Variants in SNRNP48 observed in about 807,000 individuals in gnomAD.
The protein encoded by SNRNP48 is U11/U12 small nuclear ribonucleoprotein 48 kDa protein.
SNRNP48 carries 43 observed loss-of-function variants against 47.0 expected under a neutral mutation model. The observed-to-expected ratio is 0.92, with a 90% CI of 0.72 to 1.18. SNRNP48 has a LOEUF of 1.18. SNRNP48 is among the 50% of genes most tolerant of loss of function. The probability of loss-of-function intolerance (pLI) is 0.00; values close to 1 mark genes in which losing one functional copy is unlikely to be tolerated. For missense variants in SNRNP48, 396 were observed against 422.2 expected (o/e 0.94, Z 0.54); for synonymous variants, 138 against 144.0 (o/e 0.96, Z 0.30).
At chr6:7,599,167 A>T (rs1345008382) in intron 4 of SNRNP48, among the ~76,000 whole-genome samples, 1 of 152,200 alleles carries the variant, frequency 6.6e-6, no homozygotes, top group Non-Finnish European at 1.5e-5. Flanking sequence ...ACTCTGAATG[A>T]ATTCTCCCTA....
intron 4 of SNRNP48, among the ~76,000 whole-genome samples, chr6:7,598,827 C>T (rs557451430): frequency 5.3e-5 from 8 of 152,340 alleles, no homozygotes; most frequent in African/African-American, 1.9e-4. Flanking sequence ...TATGAAAGCT[C>T]ATACAGCTAT....
In SNRNP48 at chr6:7,608,799, AT is replaced by A. The variant is rs749765489; in HGVS notation, c.972-19del. 42 of 1,431,828 alleles carry A rather than the reference AT, an allele frequency of 2.9e-5. No homozygotes were observed. The East Asian group carries it at 3.1e-4, about 11-fold the overall frequency. The allele number at this position is 1,431,828 out of a possible 1,614,324, so 88.7% of individuals were successfully genotyped here. A position where few individuals can be genotyped will look rare whatever the true frequency, so the allele number is the denominator to read the frequency against. ...ATTAAAATGTCCATCATTTATAACC[AT>A]TTTTTTATACCTCTTTTATTTCAGG... is the stretch of plus-strand genomic sequence containing the variant. On this transcript the variant is annotated intron_variant, in intron 8 of 8. Transcript: ENST00000342415.
rs1760187561 is a variant in SNRNP48, at chr6:7,609,243, C to A, written c.*370C>A. On this transcript the variant is annotated 3_prime_UTR_variant, in exon 9 of 9. Transcript: ENST00000342415. ...ACATCTTATAAATAAGGCTAATAAC[C>A]CTTAGAACACCACCTGCGGTTCTGT... The A allele has an allele frequency of 1.3e-5, 2 of 153,920 alleles. No homozygotes were observed. The highest frequency in any genetic ancestry group is 4.1e-4 in the South Asian group (2 of 4,840). 9.5% of individuals were successfully genotyped at this position (153,920 alleles called of 1,614,324 possible).
At chr6:7,595,689 T>C (rs1759892782) in intron 4 of SNRNP48, among the ~76,000 whole-genome samples, 1 of 152,208 alleles carries the variant, frequency 6.6e-6, no homozygotes, top group Non-Finnish European at 1.5e-5. Context: ...AGAAAAGGCT[T>C]AGGCTAAAAG....
intron 5 of SNRNP48, among the ~76,000 whole-genome samples, chr6:7,601,920 C>A (rs1760030228): frequency 6.6e-6 from 1 of 152,078 alleles, no homozygotes; most frequent in Non-Finnish European, 1.5e-5. Flanking sequence ...GTAGCGCGAT[C>A]TCAGTTCGTT....
intron 2 of SNRNP48, 44 bp from the exon 3 acceptor site, chr6:7,594,055 T>G (rs905928523): frequency 1.7e-6 from 2 of 1,182,282 alleles, no homozygotes; most frequent in Non-Finnish European, 2.4e-6. Flanking sequence ...CTTAAAATAG[T>G]CAATTATCTG....
chr6:7,602,028 A>G (rs1001780505), intron 5 of SNRNP48, among the ~76,000 whole-genome samples: 1 of 151,852 alleles, frequency 6.6e-6, no homozygotes, highest in South Asian at 2.1e-4. Context: ...TACTTTTTGT[A>G]TTTTTAGTAG....
chr6:7,599,752 T>C, intron 4 of SNRNP48: 1 of 1,274,904 alleles, frequency 7.8e-7, no homozygotes, highest in South Asian at 1.3e-5. Flanking sequence ...TTTTTGCAAA[T>C]GATATCCTTT....
Position 7,594,171 on chromosome 6 carries a change from G to T in SNRNP48, c.331+12G>T. ...TTCGATTACTTTGAGTAAGTATTAA[G>T]TTATTATAATTTAAAAATATCTTAG... On this transcript the variant is annotated intron_variant, in intron 3 of 8. Transcript: ENST00000342415. 8.2e-7 allele frequency: 1 copy of T among 1,220,404 alleles called. No homozygotes were observed. Among genetic ancestry groups the T allele is most frequent in the Non-Finnish European group, 1.1e-6 (1 of 887,712 alleles). 75.6% of individuals were successfully genotyped at this position (1,220,404 alleles called of 1,614,324 possible). A position where few individuals can be genotyped will look rare whatever the true frequency, so the allele number is the denominator to read the frequency against.
rs1158884755 is a variant in SNRNP48 at position 7,610,335 on chromosome 6, T to A, written c.*1462T>A. Reference sequence around the variant, plus strand: ...AGCTCTCAGATTTATAAATTGGAAATCACCAGGTTACTTGCCAATATATAG... The same window carrying A: ...AGCTCTCAGATTTATAAATTGGAAAACACCAGGTTACTTGCCAATATATAG... On this transcript the variant is annotated 3_prime_UTR_variant, in exon 9 of 9. Transcript: ENST00000342415. The A allele has an allele frequency of 6.6e-6, 1 of 152,202 alleles. No individual in the cohort carries two copies. The highest frequency in any genetic ancestry group is 6.5e-5 in the Admixed American group (1 of 15,284). 9.4% of individuals were successfully genotyped at this position (152,202 alleles called of 1,614,324 possible).
chr6:7,594,182 T>A (rs1172747592), intron 3 of SNRNP48, 23 bp downstream of exon 3: 3 of 1,140,856 alleles, frequency 2.6e-6, no homozygotes, highest in Non-Finnish European at 3.7e-6. Flanking sequence ...TTATTATAAT[T>A]TAAAAATATC....
intron 5 of SNRNP48, 146 bp downstream of exon 5, chr6:7,601,670 T>C: frequency 1.3e-6 from 1 of 749,086 alleles, no homozygotes; most frequent in East Asian, 3.0e-5. Flanking sequence ...TGGCCCTCTG[T>C]GTCTGTGGGT....
At chr6:7,607,977 GTGCTTCTTC>G in intron 8 of SNRNP48, among the ~76,000 whole-genome samples, 2 of 152,204 alleles carry the variant, frequency 1.3e-5, no homozygotes, top group South Asian at 4.1e-4. Context: ...AATAACTATA[GTGCTTCTTC>G]TACTTAAGTA....
In SNRNP48 at chr6:7,605,488, T is replaced by G; in HGVS notation, c.806+2T>G. 1.2e-6 allele frequency: 2 copies of G among 1,612,138 alleles called. No homozygotes were observed. Among genetic ancestry groups the G allele is most frequent in the Non-Finnish European group, 1.7e-6 (2 of 1,178,306 alleles). ...GAAGGCAGAGGATGATGCCGAAAAG[T>G]ACGTCATTATCTTTATTGGTGAAAA... On this transcript the variant is annotated splice_donor_variant, in intron 7 of 8. Coordinates refer to ENST00000342415, the MANE Select transcript of SNRNP48 (RefSeq NM_152551.4). LOFTEE classifies it high-confidence loss of function.
intron 6 of SNRNP48, among the ~76,000 whole-genome samples, chr6:7,604,178 A>G (rs570624028): frequency 6.6e-6 from 1 of 152,346 alleles, no homozygotes; most frequent in African/African-American, 2.4e-5. Context: ...AGCTGCTGAC[A>G]GGGAGGCTTG....
intron 6 of SNRNP48, among the ~76,000 whole-genome samples, chr6:7,605,008 A>ACTCTCTCT (rs35999016): frequency 4.7e-5 from 7 of 148,156 alleles, no homozygotes; most frequent in Admixed American, 1.4e-4. Flanking sequence ...TCTCATTGGC[A>ACTCTCTCT]CTCTCTCTCT....
intron 6 of SNRNP48, 77 bp from the exon 7 acceptor site, chr6:7,605,321 A>G: frequency 1.8e-6 from 2 of 1,099,478 alleles, no homozygotes; most frequent in South Asian, 2.5e-5. Context: ...GATTGTTAGC[A>G]CTGATTTTTC....
At position 7,601,361 on chromosome 6, in the gene SNRNP48, A is replaced by G; in HGVS notation, c.432A>G (p.Glu144=). ...NQRIYSSLPV[E]VPLNHKRFVC... ...GAATTTATTCTTCATTGCCTGTTGAAGTTCCTTTGAATCACAAACGGTTTG... is the reference window on the plus strand; with the variant it reads ...GAATTTATTCTTCATTGCCTGTTGAGGTTCCTTTGAATCACAAACGGTTTG... The change falls in exon 5 of 9, where the codon GAA becomes GAG. Residue 144 remains glutamate, a synonymous_variant. Transcript: ENST00000342415. The G allele has an allele frequency of 1.3e-6, 2 of 1,575,018 alleles. No individual in the cohort carries two copies. Among genetic ancestry groups the G allele is most frequent in the Non-Finnish European group, 1.7e-6 (2 of 1,170,014 alleles).
intron 8 of SNRNP48, 55 bp downstream of exon 8, chr6:7,606,250 A>G (rs1294543490): frequency 5.3e-6 from 8 of 1,504,634 alleles, no homozygotes; most frequent in South Asian, 1.3e-5. Context: ...TAAAAATAGA[A>G]CAGGTTCTTC....
Sources: gnomAD v4.1 joint callset for allele counts (sites outside exome capture counted in the v4.1 genomes callset) on GRCh38, gnomAD v4.1.1 for gene constraint, MANE v1.5 for transcripts, NCBI Gene and HGNC (gene_info 2026-07-23, HGNC 2026-07-21) for gene names.